Variants in ERICH2 observed in about 807,000 individuals in gnomAD.
The protein encoded by ERICH2 is glutamate rich 2.
In ERICH2, 17 loss-of-function variants were observed where a neutral mutation model predicts 17.4. The ratio of observed to expected loss-of-function variants is 0.98; its 90% CI spans 0.67 to 1.47. ERICH2 has a LOEUF of 1.47. Ranked by LOEUF, ERICH2 falls within the 40% of genes most tolerant of loss-of-function variation. The probability of loss-of-function intolerance (pLI) is 0.00; values close to 1 mark genes in which losing one functional copy is unlikely to be tolerated. For missense variants in ERICH2, 186 were observed against 183.2 expected, an observed-to-expected ratio of 1.01 and a Z score of -0.09; for synonymous variants, 51 against 61.1, an observed-to-expected ratio of 0.83 and a Z score of 0.77.
rs562092117 is a variant in ERICH2, at chr2:170,796,593, G to A, written c.275-1448G>A. Among the ~76,000 whole-genome samples, 361 of 152,064 alleles carry A rather than the reference G, an allele frequency of 2.4e-3. 1 individual carries two copies. Among genetic ancestry groups the A allele is most frequent in the African/African-American group, 8.3e-3 (343 of 41,478 alleles). On this transcript the variant is annotated intron_variant, in intron 3 of 4. Coordinates refer to ENST00000409885, the Ensembl canonical transcript of ERICH2. ...TGGGACTACAAGCACGTGTTACCAC[G>A]CCCAGCTAATTTTTGTATTTTTTTG...
At chr2:170,782,792 A>T (rs1701059999), upstream of ERICH2, among the ~76,000 whole-genome samples, 1 of 152,220 alleles carries the variant, frequency 6.6e-6, no homozygotes, top group Non-Finnish European at 1.5e-5. Flanking sequence ...TTAAAAATAA[A>T]AAACAGGCCA....
chr2:170,776,538 C>T, the ERICH2 span, among the ~76,000 whole-genome samples: 1 of 152,046 alleles, frequency 6.6e-6, no homozygotes. Flanking sequence ...CCACCATGCC[C>T]GGCTAATTTT....
chr2:170,776,503 G>A, the ERICH2 span, among the ~76,000 whole-genome samples: 4,353 of 152,070 alleles, frequency 0.029, 225 homozygotes, highest in African/African-American at 0.1. Context: ...TCAGCCTCCC[G>A]AGTAGCTGGG....
chr2:170,795,144 A>T (rs1329247642), intron 3 of ERICH2, among the ~76,000 whole-genome samples: 1 of 151,346 alleles, frequency 6.6e-6, no homozygotes, highest in Non-Finnish European at 1.5e-5. Flanking sequence ...CACACCCACT[A>T]ATTTTTGTAT....
At chr2:170,783,474 G>GGGGA (rs1354058606), upstream of ERICH2, among the ~76,000 whole-genome samples, 2 of 152,110 alleles carry the variant, frequency 1.3e-5, no homozygotes, top group Admixed American at 1.3e-4. Flanking sequence ...GCTTGAACCT[G>GGGGA]GGGAGCAGAG....
intron 2 of ERICH2, among the ~76,000 whole-genome samples, chr2:170,791,892 T>G (rs907311086): frequency 3.3e-5 from 5 of 152,116 alleles, no homozygotes; most frequent in Non-Finnish European, 7.4e-5. Context: ...TGTCTGGGTA[T>G]TTATCAAATA....
chr2:170,793,311 A>T (rs1701335399), intron 3 of ERICH2, among the ~76,000 whole-genome samples: 1 of 152,032 alleles, frequency 6.6e-6, no homozygotes, highest in African/African-American at 2.4e-5. Flanking sequence ...TGTTCCAGGC[A>T]CTGGAAATAC....
intron 2 of ERICH2, among the ~76,000 whole-genome samples, chr2:170,787,872 G>C (rs1701193324): frequency 6.6e-6 from 1 of 152,140 alleles, no homozygotes; most frequent in African/African-American, 2.4e-5. Flanking sequence ...AAATATCACT[G>C]TCCTGTGGTA....
chr2:170,787,504 A>T (rs1004906528), intron 2 of ERICH2, among the ~76,000 whole-genome samples: 2 of 152,246 alleles, frequency 1.3e-5, no homozygotes, highest in African/African-American at 4.8e-5. Context: ...GCTGGTAAGA[A>T]CATGAGCTGC....
At chr2:170,791,346 A>T (rs1346630896) in intron 2 of ERICH2, among the ~76,000 whole-genome samples, 1 of 152,168 alleles carries the variant, frequency 6.6e-6, no homozygotes, top group Non-Finnish European at 1.5e-5. Context: ...TTTTACCCTC[A>T]TGATGATGGG....
At position 170,792,922 on chromosome 2, in the gene ERICH2, T is replaced by A; in HGVS notation, c.274+2T>A. 1 of 1,492,786 alleles carries A rather than the reference T, an allele frequency of 6.7e-7. No homozygotes were observed. The highest frequency in any genetic ancestry group is 9.0e-7 in the Non-Finnish European group (1 of 1,106,538). 92.5% of individuals were successfully genotyped at this position (1,492,786 alleles called of 1,614,324 possible). A position where few individuals can be genotyped will look rare whatever the true frequency, so the allele number is the denominator to read the frequency against. On this transcript the variant is annotated splice_donor_variant, in intron 3 of 4. Transcript: ENST00000409885. LOFTEE classifies it high-confidence loss of function. The stretch of plus-strand genomic sequence containing the variant: ...TGGCAAAAAAATTATGTCAGATGAG[T>A]AAGTACAAAATACTTTCATATTTTC...
intron 3 of ERICH2, among the ~76,000 whole-genome samples, chr2:170,795,985 A>G (rs1384883675): frequency 2.0e-5 from 3 of 152,188 alleles, no homozygotes; most frequent in Non-Finnish European, 2.9e-5. Context: ...CCAAAAATAT[A>G]GTTCCTACAA....
chr2:170,789,629 T>C (rs561876790), intron 2 of ERICH2, among the ~76,000 whole-genome samples: 1 of 152,214 alleles, frequency 6.6e-6, no homozygotes, highest in Non-Finnish European at 1.5e-5. Context: ...CAAGGGCTTC[T>C]GCAAAACATC....
chr2:170,786,574 A>G (rs577811435), intron 2 of ERICH2, among the ~76,000 whole-genome samples: 153 of 152,200 alleles, frequency 1.0e-3, no homozygotes, highest in Middle Eastern at 3.4e-3. Context: ...TTATTCTTCA[A>G]ATATTTTTTC....
At chr2:170,783,662 T>TC, upstream of ERICH2, 5 of 825,470 alleles carry the variant, frequency 6.1e-6, no homozygotes, top group South Asian at 7.1e-5. Flanking sequence ...CTGCTTTAGA[T>TC]CTAGGGATCA....
At chr2:170,791,476 G>A (rs1426614182) in intron 2 of ERICH2, among the ~76,000 whole-genome samples, 1 of 150,682 alleles carries the variant, frequency 6.6e-6, no homozygotes, top group African/African-American at 2.4e-5. Context: ...CGGATCACGA[G>A]GTCAGGAGAT....
chr2:170,784,500 A>G (rs948941368), intron 1 of ERICH2, 146 bp from the exon 7 acceptor site: 1 of 472,524 alleles, frequency 2.1e-6, no homozygotes, highest in Non-Finnish European at 3.7e-6. Context: ...GAGTTAAAAT[A>G]TGTAGTGTTT....
At chr2:170,784,492 G>A (rs1701103382) in intron 1 of ERICH2, among the ~76,000 whole-genome samples, 154 bp from the exon 7 acceptor site, 1 of 151,990 alleles carries the variant, frequency 6.6e-6, no homozygotes, top group South Asian at 2.1e-4. Context: ...ATTTAAATGA[G>A]TTAAAATATG....
intron 4 of ERICH2, 49 bp downstream of exon 9, chr2:170,798,161 T>C (rs1701474948): frequency 1.6e-6 from 2 of 1,234,208 alleles, no homozygotes; most frequent in South Asian, 2.6e-5. Flanking sequence ...CTATAAGCAG[T>C]CACTTTAAAA....
Sources: allele counts gnomAD v4.1 joint callset (sites outside exome capture counted in the v4.1 genomes callset), GRCh38; gene constraint gnomAD v4.1.1; transcripts MANE v1.5; gene names NCBI Gene and HGNC (gene_info 2026-07-23, HGNC 2026-07-21).